The following WDFY4 variants were observed in gnomAD, a reference collection of about 807,000 sequenced individuals.
The protein encoded by WDFY4 is WD repeat- and FYVE domain-containing protein 4.
In WDFY4, 169 loss-of-function variants were observed where a neutral mutation model predicts 351.9. The observed-to-expected ratio is 0.48, with a 90% CI of 0.42 to 0.55. WDFY4 has a LOEUF of 0.55. Ranked by LOEUF, WDFY4 falls within the 20% of genes least tolerant of loss-of-function variation. WDFY4 has a pLI of 0.00. For missense variants in WDFY4, 3,803 were observed against 3,935.6 expected (o/e 0.97, Z 0.90); for synonymous variants, 1,622 against 1,574.6 (o/e 1.03, Z -0.71).
At position 48,693,551 on chromosome 10, in the gene WDFY4, G is replaced by C. The variant is rs117717626; in HGVS notation, c.-18+8550G>C. ...TGCCAGCTTGTGGGAGACTCATTCT[G>C]GTTAAACAAATATTCAGCTCTCAGA... On this transcript the variant is annotated intron_variant, in intron 1 of 61. Transcript: ENST00000325239. Among the ~76,000 whole-genome samples the C allele has an allele frequency of 1.5e-3, 226 of 152,290 alleles. 4 individuals are homozygous for C. The East Asian group carries it at 0.032, about 21-fold the overall frequency.
intron 11 of WDFY4, among the ~76,000 whole-genome samples, chr10:48,741,452 C>CAAAAA (rs55984300): frequency 1.2e-4 from 8 of 66,304 alleles, no homozygotes; most frequent in Non-Finnish European, 1.8e-4. Context: ...GACTCCGTCT[C>CAAAAA]AAAAAAAAAA....
chr10:48,870,886 A>G (rs369788505), intron 40 of WDFY4, among the ~76,000 whole-genome samples: 3 of 152,042 alleles, frequency 2.0e-5, no homozygotes, highest in African/African-American at 7.2e-5. Context: ...ATGAAGACCC[A>G]GGGAGCTGTG....
At chr10:48,788,973 A>G (rs1357511005) in intron 21 of WDFY4, among the ~76,000 whole-genome samples, 2 of 152,244 alleles carry the variant, frequency 1.3e-5, no homozygotes, top group Non-Finnish European at 2.9e-5. Flanking sequence ...GAGCTTCCCT[A>G]GTCCTGGGTA....
At chr10:48,823,751 C>T (rs1326002015) in intron 35 of WDFY4, 15 of 992,048 alleles carry the variant, frequency 1.5e-5, no homozygotes, top group Non-Finnish European at 1.8e-5. Flanking sequence ...GGCCACCGTG[C>T]TTTCAGGGGG....
chr10:48,779,872 C>A, intron 18 of WDFY4, 69 bp from the exon 19 acceptor site: 1 of 1,526,250 alleles, frequency 6.6e-7, no homozygotes, highest in Non-Finnish European at 8.8e-7. Context: ...CGCCTATGCC[C>A]TCCCCATTCT....
intron 41 of WDFY4, among the ~76,000 whole-genome samples, chr10:48,874,220 A>C (rs1384335613): frequency 6.6e-6 from 1 of 152,226 alleles, no homozygotes; most frequent in Non-Finnish European, 1.5e-5. Context: ...TGACTTCCCA[A>C]GCAACAGAAT....
In WDFY4 at chr10:48,817,372, C is replaced by G; in HGVS notation, c.5468C>G (p.Thr1823Ser). The G allele has an allele frequency of 2.6e-6, 4 of 1,551,600 alleles. No individual in the cohort carries two copies. ...TGGCGAGCCCCGGAGTTCCTCCAGA[C>G]CTTGGCCATAGCCGCCTTCCCCCTG... ...PAWRAPEFLQ[T>S]LAIAAFPLGA... Residue 1823 changes from threonine (T) to serine (S), a missense_variant, in exon 32 of 62, where the codon ACC becomes AGC. Transcript: ENST00000325239.
At chr10:48,697,173 G>T (rs1430227430) in intron 1 of WDFY4, among the ~76,000 whole-genome samples, 1 of 152,166 alleles carries the variant, frequency 6.6e-6, no homozygotes, top group Non-Finnish European at 1.5e-5. Flanking sequence ...GAACACTCAG[G>T]TCTCACCCAG....
chr10:48,968,909 CT>C, intron 55 of WDFY4, 154 bp from the exon 56 acceptor site: 1 of 719,158 alleles, frequency 1.4e-6, no homozygotes, highest in South Asian at 1.8e-5. Flanking sequence ...GTGTGTCTGC[CT>C]GTCACTCCTG....
At chr10:48,729,983 C>T (rs2132330318) in intron 8 of WDFY4, among the ~76,000 whole-genome samples, 1 of 152,336 alleles carries the variant, frequency 6.6e-6, no homozygotes, top group South Asian at 2.1e-4. Context: ...GTGGCAGGCA[C>T]TCTGCCCCAT....
intron 13 of WDFY4, among the ~76,000 whole-genome samples, chr10:48,761,338 G>A (rs549895738): frequency 1.1e-4 from 17 of 152,306 alleles, no homozygotes; most frequent in Admixed American, 2.0e-4. Context: ...CAGATTTTGC[G>A]TGAAAAACAT....
intron 35 of WDFY4, among the ~76,000 whole-genome samples, chr10:48,826,161 AT>A (rs1274720328): frequency 2.6e-5 from 4 of 152,070 alleles, no homozygotes; most frequent in Non-Finnish European, 4.4e-5. Context: ...TCCAGTTTCG[AT>A]TTTCTGTGTA....
intron 47 of WDFY4, among the ~76,000 whole-genome samples, chr10:48,928,025 G>C (rs1421380098): frequency 6.6e-6 from 1 of 152,202 alleles, no homozygotes; most frequent in African/African-American, 2.4e-5. Context: ...CCCCTTTGAA[G>C]CTCATGAGGT....
In WDFY4 at chr10:48,795,500, TATATATATATATATATATATATAC is replaced by T. The variant is rs1163755364; in HGVS notation, c.4258-786_4258-763del. ...ATATATGTGTGTGTCTGTATATATA[TATATATATATATATATATATATAC>T]ATATATATATACACACACATGAATA... On this transcript the variant is annotated intron_variant, in intron 23 of 61. Transcript: ENST00000325239. Among the ~76,000 whole-genome samples the T allele has an allele frequency of 1.0e-4, 11 of 107,370 alleles. 1 individual carries two copies. The highest frequency in any genetic ancestry group is 6.3e-4 in the South Asian group (2 of 3,196). The allele number at this position is 107,370 out of a possible 152,430, so 70.4% of individuals were successfully genotyped here. A position where few individuals can be genotyped will look rare whatever the true frequency, so the allele number is the denominator to read the frequency against.
chr10:48,735,884 C>T lies in WDFY4; in HGVS notation c.1692C>T (p.Val564=). 3 of 1,551,490 alleles carry T rather than the reference C, an allele frequency of 1.9e-6. No homozygotes were observed. Among genetic ancestry groups the T allele is most frequent in the Non-Finnish European group, 2.6e-6 (3 of 1,146,906 alleles). The part of the protein sequence containing the change: ...LLKGSVRNAV[V]LKDHGMVPFI... ...TTCTGTCTGTCTGATCCTTAGTTGT[C>T]CTGAAGGACCACGGCATGGTGCCCT... is the stretch of plus-strand genomic sequence containing the variant. Residue 564 remains valine, a synonymous_variant, in exon 11 of 62, where the codon GTC becomes GTT. Transcript: ENST00000325239.
chr10:48,783,687 C>T (rs1192234459), intron 19 of WDFY4, among the ~76,000 whole-genome samples: 5 of 152,090 alleles, frequency 3.3e-5, no homozygotes, highest in African/African-American at 1.2e-4. Flanking sequence ...AGTGTGGCCT[C>T]GAAGTATAGA....
At chr10:48,774,895 G>C (rs2065978609) in intron 14 of WDFY4, among the ~76,000 whole-genome samples, 1 of 152,198 alleles carries the variant, frequency 6.6e-6, no homozygotes, top group South Asian at 2.1e-4. Flanking sequence ...TCACGTGGGG[G>C]CTGGAGGGGG....
intron 44 of WDFY4, among the ~76,000 whole-genome samples, chr10:48,895,070 G>A (rs994528263): frequency 2.6e-5 from 4 of 152,216 alleles, no homozygotes; most frequent in Admixed American, 6.5e-5. Flanking sequence ...GTTCTGAGAA[G>A]GGTCTGCAGA....
chr10:48,765,229 T>C (rs1278999286), intron 13 of WDFY4, among the ~76,000 whole-genome samples: 1 of 152,240 alleles, frequency 6.6e-6, no homozygotes. Context: ...ACTGTCAATG[T>C]CATCATTGTC....
Sources: allele counts gnomAD v4.1 joint callset (sites outside exome capture counted in the v4.1 genomes callset), GRCh38; gene constraint gnomAD v4.1.1; transcripts MANE v1.5; gene names NCBI Gene and HGNC (gene_info 2026-07-23, HGNC 2026-07-21).